TTC28: variants seen among roughly 807,000 people sequenced by gnomAD.
The protein encoded by TTC28 is tetratricopeptide repeat domain 28.
A neutral mutation model predicts 198.0 loss-of-function variants in TTC28; 61 were observed. The ratio of observed to expected loss-of-function variants is 0.31; its 90% CI spans 0.25 to 0.38. The LOEUF (loss-of-function observed/expected upper bound fraction) is 0.38. Ranked by LOEUF, TTC28 falls within the 10% of genes least tolerant of loss-of-function variation. The pLI, the probability that TTC28 is intolerant of heterozygous loss-of-function variation, is 1.00. For missense variants in TTC28, 2,678 were observed against 3,164.0 expected, an observed-to-expected ratio of 0.85 and a Z score of 3.69; for synonymous variants, 1,171 against 1,297.8, an observed-to-expected ratio of 0.90 and a Z score of 2.10.
intron 5 of TTC28, among the ~76,000 whole-genome samples, chr22:28,265,091 T>G (rs1353051006): frequency 2.6e-5 from 4 of 152,170 alleles, no homozygotes; most frequent in African/African-American, 4.8e-5. Flanking sequence ...ACTTCACAAA[T>G]ATCCTGGAAG....
chr22:28,058,686 T>C (rs1478792274), intron 12 of TTC28, among the ~76,000 whole-genome samples: 1 of 152,056 alleles, frequency 6.6e-6, no homozygotes, highest in Non-Finnish European at 1.5e-5. Flanking sequence ...TTGTGTAAAA[T>C]TGTAGGGTTT....
At chr22:28,514,740 T>C (rs2048749005) in intron 2 of TTC28, among the ~76,000 whole-genome samples, 1 of 152,218 alleles carries the variant, frequency 6.6e-6, no homozygotes, top group African/African-American at 2.4e-5. Flanking sequence ...TGGTATGCAT[T>C]CAGTGACATC....
chr22:27,981,229 AATTTTTTTTTTTT>A lies in TTC28; in HGVS notation c.*979_*991del, dbSNP rs1269822999. 11 of 72,734 alleles carry A rather than the reference AATTTTTTTTTTTT, an allele frequency of 1.5e-4. No individual in the cohort carries two copies. The highest frequency in any genetic ancestry group is 0.01 in the Middle Eastern group (1 of 100). The allele number at this position is 72,734 out of a possible 1,614,324, so 4.5% of individuals were successfully genotyped here. On this transcript the variant is annotated 3_prime_UTR_variant, in exon 23 of 23. Coordinates refer to ENST00000397906, the MANE Select transcript of TTC28 (RefSeq NM_001145418.2). ...CTGGTTAAATCTAGTTAGCCATGGAAATTTTTTTTTTTTTTTTTTTTTTTTTTTTTTTTTTTTT... is the reference window on the plus strand; with the variant it reads ...CTGGTTAAATCTAGTTAGCCATGGAATTTTTTTTTTTTTTTTTTTTTTTTT...
intron 12 of TTC28, among the ~76,000 whole-genome samples, chr22:28,030,867 G>A (rs551621117): frequency 1.3e-5 from 2 of 152,310 alleles, no homozygotes; most frequent in East Asian, 1.9e-4. Context: ...AGCCTAAAAC[G>A]GCATTTTCCA....
At chr22:28,021,540 A>AG (rs1049882152) in intron 13 of TTC28, among the ~76,000 whole-genome samples, 12 of 152,112 alleles carry the variant, frequency 7.9e-5, no homozygotes, top group African/African-American at 2.2e-4. Flanking sequence ...GGTGAGCTGC[A>AG]GGGGGGGAAT....
chr22:28,040,897 A>T (rs1426564485), intron 12 of TTC28, among the ~76,000 whole-genome samples: 1 of 152,236 alleles, frequency 6.6e-6, no homozygotes, highest in East Asian at 1.9e-4. Flanking sequence ...GTCTTAGGAT[A>T]CAAAATCCAT....
At chr22:28,072,154 T>C (rs9620767) in intron 12 of TTC28, among the ~76,000 whole-genome samples, 10,495 of 152,250 alleles carry the variant, frequency 0.069, 408 homozygotes, top group South Asian at 0.089. Flanking sequence ...AAGAAATAAC[T>C]ATGAAATGCA....
At chr22:28,251,057 A>G (rs1455833443) in intron 5 of TTC28, among the ~76,000 whole-genome samples, 1 of 152,198 alleles carries the variant, frequency 6.6e-6, no homozygotes, top group East Asian at 1.9e-4. Flanking sequence ...TCACAAAGCT[A>G]CTTCTGACTC....
chr22:28,281,889 T>C (rs1289947791), intron 5 of TTC28, among the ~76,000 whole-genome samples: 1 of 152,174 alleles, frequency 6.6e-6, no homozygotes, highest in Non-Finnish European at 1.5e-5. Flanking sequence ...AGTTTATACA[T>C]AGAATTTGGG....
At chr22:28,224,150 A>G (rs191510842) in intron 5 of TTC28, among the ~76,000 whole-genome samples, 3 of 152,280 alleles carry the variant, frequency 2.0e-5, no homozygotes, top group South Asian at 2.1e-4. Flanking sequence ...GACCCCCACA[A>G]TAACGGAGGA....
At chr22:28,342,652 C>G (rs2045849727) in intron 2 of TTC28, among the ~76,000 whole-genome samples, 1 of 152,116 alleles carries the variant, frequency 6.6e-6, no homozygotes, top group Admixed American at 6.6e-5. Flanking sequence ...AATGCACATA[C>G]ATACGCATAT....
chr22:28,172,970 T>C (rs140803023), intron 5 of TTC28, among the ~76,000 whole-genome samples: 246 of 152,328 alleles, frequency 1.6e-3, no homozygotes, highest in Middle Eastern at 0.01. Context: ...GCAGTGCATG[T>C]GAGTGCCTTC....
At chr22:28,089,306 T>C (rs1375210183) in intron 12 of TTC28, among the ~76,000 whole-genome samples, 6 of 152,120 alleles carry the variant, frequency 3.9e-5, no homozygotes, top group East Asian at 1.9e-4. Context: ...AAATGTGGCA[T>C]ATATACACCA....
chr22:28,429,529 C>G (rs913346648), intron 2 of TTC28, among the ~76,000 whole-genome samples: 3 of 152,174 alleles, frequency 2.0e-5, no homozygotes, highest in Non-Finnish European at 4.4e-5. Context: ...CTCTGAAAAT[C>G]TGAAATCATT....
chr22:28,301,541 A>G (rs1166917162), intron 3 of TTC28, among the ~76,000 whole-genome samples: 1 of 152,214 alleles, frequency 6.6e-6, no homozygotes, highest in African/African-American at 2.4e-5. Context: ...CTCAACTAAG[A>G]GATATACTGT....
In TTC28 at chr22:28,159,348, C is replaced by A. The variant is rs555465135; in HGVS notation, c.1441+3744G>T. Reference sequence around the variant, plus strand: ...TATGGAGAAGGGTTCGGAGGTTAATCAAAAAAAACTAAAAATAGAGCTACC... The same window carrying A: ...TATGGAGAAGGGTTCGGAGGTTAATAAAAAAAAACTAAAAATAGAGCTACC... On this transcript the variant is annotated intron_variant, in intron 6 of 22. Transcript: ENST00000397906. Among the ~76,000 whole-genome samples, 58 of 151,604 alleles carry A rather than the reference C, an allele frequency of 3.8e-4. 1 individual carries two copies. The Middle Eastern group carries it at 0.014, about 36-fold the overall frequency.
chr22:28,294,739 T>C (rs2044858069), intron 5 of TTC28, among the ~76,000 whole-genome samples: 1 of 152,242 alleles, frequency 6.6e-6, no homozygotes, highest in East Asian at 1.9e-4. Context: ...CAGCTAATTT[T>C]TGTATTTTAA....
chr22:28,363,493 G>C (rs987240303), intron 2 of TTC28, among the ~76,000 whole-genome samples: 1 of 152,278 alleles, frequency 6.6e-6, no homozygotes, highest in Non-Finnish European at 1.5e-5. Flanking sequence ...GGAAATGTGG[G>C]GTCGAAGCCC....
At chr22:28,379,774 G>A (rs1464342749) in intron 2 of TTC28, among the ~76,000 whole-genome samples, 1 of 152,112 alleles carries the variant, frequency 6.6e-6, no homozygotes, top group Non-Finnish European at 1.5e-5. Context: ...TTTATGTTAT[G>A]TGTATTTTAT....
Sources: allele counts gnomAD v4.1 joint callset (sites outside exome capture counted in the v4.1 genomes callset), GRCh38; gene constraint gnomAD v4.1.1; transcripts MANE v1.5; gene names NCBI Gene and HGNC (gene_info 2026-07-23, HGNC 2026-07-21).